SLC4A4: variants seen among roughly 807,000 people sequenced by gnomAD.
The protein encoded by SLC4A4 is solute carrier family 4 member 4, also known as electrogenic sodium bicarbonate cotransporter 1.
In SLC4A4, 27 loss-of-function variants were observed where a neutral mutation model predicts 111.5. That is an observed-to-expected ratio of 0.24 (90% CI 0.18 to 0.33). The LOEUF is 0.33. Ranked by LOEUF, SLC4A4 falls within the 10% of genes least tolerant of loss-of-function variation. The probability of loss-of-function intolerance (pLI) is 1.00; values close to 1 mark genes in which losing one functional copy is unlikely to be tolerated. For missense variants in SLC4A4, 909 were observed against 1,315.5 expected, an observed-to-expected ratio of 0.69 and a Z score of 4.78; for synonymous variants, 443 against 463.4, an observed-to-expected ratio of 0.96 and a Z score of 0.57.
intron 3 of SLC4A4, among the ~76,000 whole-genome samples, chr4:71,290,037 A>G (rs1724213776): frequency 6.6e-6 from 1 of 152,188 alleles, no homozygotes; most frequent in Non-Finnish European, 1.5e-5. Flanking sequence ...CTAGATTTAA[A>G]GTAACGAAGG....
chr4:71,555,345 C>G, intron 21 of SLC4A4, 137 bp downstream of exon 21: 1 of 740,630 alleles, frequency 1.4e-6, no homozygotes, highest in Non-Finnish European at 2.5e-6. Context: ...TCTACTTCAC[C>G]ATTCACCTGC....
chr4:71,419,777 G>A lies in SLC4A4; in HGVS notation c.808-20839G>A, dbSNP rs559475216. Among the ~76,000 whole-genome samples the A allele has an allele frequency of 1.2e-4, 19 of 152,298 alleles. 1 individual carries two copies. Among genetic ancestry groups the A allele is most frequent in the Admixed American group, 3.9e-4 (6 of 15,304 alleles). On this transcript the variant is annotated intron_variant, in intron 7 of 25. Transcript: ENST00000264485. ...TCAGATGGAAATGCAGAAATCACCC[G>A]TCTTCTGCGTCACTCATGCTGGGAG...
intron 6 of SLC4A4, among the ~76,000 whole-genome samples, chr4:71,384,450 T>A (rs1378963091): frequency 2.6e-5 from 4 of 152,224 alleles, no homozygotes; most frequent in East Asian, 1.9e-4. Context: ...CTTAAATGAA[T>A]GTGCAGTCAG....
At chr4:71,427,274 T>C (rs1723230316) in intron 7 of SLC4A4, among the ~76,000 whole-genome samples, 1 of 152,094 alleles carries the variant, frequency 6.6e-6, no homozygotes, top group Non-Finnish European at 1.5e-5. Context: ...TCTTTTTTTG[T>C]AACATTGACA....
At chr4:71,113,952 TA>T (rs1300134101) in intron 2 of SLC4A4, among the ~76,000 whole-genome samples, 11 of 152,116 alleles carry the variant, frequency 7.2e-5, no homozygotes, top group Admixed American at 7.2e-4. Context: ...ATGTACTTTT[TA>T]AAAAAGCAAA....
Position 71,179,368 on chromosome 4 carries a change from A to G in SLC4A4, c.-1-57208A>G, listed in dbSNP as rs1008819493. Reference sequence around the variant, plus strand: ...AGTTCTGGCCAGGGCAATCAGGCAGAAGAAGGAAATAAAGGGCATTCAATT... The same window carrying G: ...AGTTCTGGCCAGGGCAATCAGGCAGGAGAAGGAAATAAAGGGCATTCAATT... On this transcript the variant is annotated intron_variant, in intron 2 of 26. Transcript: ENST00000649996. Among the ~76,000 whole-genome samples the G allele has an allele frequency of 5.7e-3, 867 of 152,208 alleles. 8 individuals are homozygous for G. The highest frequency in any genetic ancestry group is 9.5e-3 in the Non-Finnish European group (647 of 68,000).
chr4:71,548,561 A>C (rs1735734077), intron 20 of SLC4A4, among the ~76,000 whole-genome samples: 1 of 151,870 alleles, frequency 6.6e-6, no homozygotes, highest in Non-Finnish European at 1.5e-5. Context: ...TTTGTATCTT[A>C]TGCTTTATAC....
chr4:71,227,972 A>G (rs1180667734), intron 1 of SLC4A4, among the ~76,000 whole-genome samples: 1 of 152,220 alleles, frequency 6.6e-6, no homozygotes, highest in Non-Finnish European at 1.5e-5. Flanking sequence ...CAGAAGCAGC[A>G]CACGGTCTTT....
intron 1 of SLC4A4, among the ~76,000 whole-genome samples, chr4:71,191,296 CTA>C (rs1745722156): frequency 6.6e-6 from 1 of 152,206 alleles, no homozygotes. Flanking sequence ...AATGTTGAAA[CTA>C]TGTGCCTCTG....
intron 16 of SLC4A4, among the ~76,000 whole-genome samples, chr4:71,518,974 C>T (rs1324231735): frequency 1.3e-5 from 2 of 152,206 alleles, no homozygotes; most frequent in African/African-American, 4.8e-5. Flanking sequence ...TTTCCCTCTC[C>T]TCTCAAACAG....
chr4:71,110,288 C>T (rs1177118535), intron 2 of SLC4A4, among the ~76,000 whole-genome samples: 1 of 152,142 alleles, frequency 6.6e-6, no homozygotes, highest in Non-Finnish European at 1.5e-5. Flanking sequence ...GATCATGGCT[C>T]ACTGCAGCCT....
At chr4:71,489,850 T>A (rs1729744559) in intron 15 of SLC4A4, among the ~76,000 whole-genome samples, 1 of 151,708 alleles carries the variant, frequency 6.6e-6, no homozygotes. Flanking sequence ...CTTCAGTACA[T>A]CCTGTCAGAT....
intron 6 of SLC4A4, among the ~76,000 whole-genome samples, chr4:71,377,330 G>T (rs904352254): frequency 2.6e-5 from 4 of 152,232 alleles, no homozygotes; most frequent in Non-Finnish European, 5.9e-5. Context: ...ATGAAGTGTG[G>T]TGGTAATAAT....
intron 2 of SLC4A4, among the ~76,000 whole-genome samples, chr4:71,138,532 A>G (rs1743906205): frequency 6.6e-6 from 1 of 152,210 alleles, no homozygotes; most frequent in Non-Finnish European, 1.5e-5. Flanking sequence ...GGTTCATATT[A>G]TCTTCAAGGA....
At chr4:71,270,588 A>G (rs1722637561) in intron 3 of SLC4A4, among the ~76,000 whole-genome samples, 1 of 152,256 alleles carries the variant, frequency 6.6e-6, no homozygotes, top group Non-Finnish European at 1.5e-5. Flanking sequence ...TTAAAAATGT[A>G]GAAACACACT....
intron 3 of SLC4A4, among the ~76,000 whole-genome samples, chr4:71,299,437 C>A (rs754370666): frequency 6.6e-6 from 1 of 151,654 alleles, no homozygotes; most frequent in Non-Finnish European, 1.5e-5. Flanking sequence ...CTTCCCCAGG[C>A]TGTTGGGAGC....
intron 1 of SLC4A4, among the ~76,000 whole-genome samples, chr4:71,074,138 T>C (rs993215828): frequency 1.3e-5 from 2 of 152,210 alleles, no homozygotes; most frequent in Non-Finnish European, 2.9e-5. Flanking sequence ...AAAAACTTGA[T>C]GGAACTTTAA....
intron 1 of SLC4A4, among the ~76,000 whole-genome samples, chr4:71,089,418 A>G (rs1339164472): frequency 1.3e-5 from 2 of 152,042 alleles, no homozygotes; most frequent in Non-Finnish European, 2.9e-5. Context: ...TTCTCTGTCC[A>G]GCTTTGTTCC....
At chr4:71,368,366 A>G (rs1338098744) in intron 6 of SLC4A4, among the ~76,000 whole-genome samples, 1 of 152,214 alleles carries the variant, frequency 6.6e-6, no homozygotes, top group Non-Finnish European at 1.5e-5. Context: ...ATTAAAGGGC[A>G]CCAGAAAATG....
Sources: allele counts gnomAD v4.1 joint callset (sites outside exome capture counted in the v4.1 genomes callset), GRCh38; gene constraint gnomAD v4.1.1; transcripts MANE v1.5; gene names NCBI Gene and HGNC (gene_info 2026-07-23, HGNC 2026-07-21).